WWTR1: variants seen among roughly 807,000 people sequenced by gnomAD.
The protein encoded by WWTR1 is WW domain containing transcription regulator 1, also known as WW domain-containing transcription regulator protein 1.
In WWTR1, 13 loss-of-function variants were observed where a neutral mutation model predicts 40.1. That is an observed-to-expected ratio of 0.32 (90% CI 0.21 to 0.52). The LOEUF is 0.52. Among genes scored for constraint, WWTR1 ranks in the 20% least tolerant of loss-of-function variants. WWTR1 has a pLI of 0.97. For missense variants in WWTR1, 436 were observed against 523.1 expected (o/e 0.83, Z 1.63); for synonymous variants, 230 against 210.1 (o/e 1.09, Z -0.82).
At chr3:149,619,574 G>T (rs1740171770) in intron 2 of WWTR1, among the ~76,000 whole-genome samples, 1 of 152,166 alleles carries the variant, frequency 6.6e-6, no homozygotes, top group African/African-American at 2.4e-5. Flanking sequence ...AGTAAGCTAT[G>T]ATCACACCAC....
intron 2 of WWTR1, chr3:149,576,239 G>C (rs1737873398): frequency 5.3e-6 from 2 of 380,832 alleles, no homozygotes; most frequent in African/African-American, 2.1e-5. Context: ...TTGCTCACAA[G>C]AGGCACTTAA....
rs552743703 is a variant in WWTR1, at chr3:149,711,130, G to A, written n.584+6312C>T. 2.9e-4 allele frequency among the ~76,000 whole-genome samples: 43 copies of A among 147,680 alleles called. No homozygotes were observed. The South Asian group carries it at 8.8e-3, about 30-fold the overall frequency. On this transcript the variant is annotated intron_variant and non_coding_transcript_variant, in intron 5 of 6. Transcript: ENST00000474080. ...AAAGAAGATGGGAAGGGGTGAAGAG[G>A]AGACAGAAGCGTAGGGTTTCACACA... is the stretch of plus-strand genomic sequence containing the variant.
At chr3:149,572,723 T>G (rs1451707638) in intron 3 of WWTR1, 141 bp downstream of exon 3, 1 of 1,013,532 alleles carries the variant, frequency 9.9e-7, no homozygotes, top group African/African-American at 1.6e-5. Flanking sequence ...GGTTCATGCC[T>G]GTTATCGCAG....
chr3:149,535,709 TA>T (rs35300491), intron 4 of WWTR1, among the ~76,000 whole-genome samples: 2,059 of 143,386 alleles, frequency 0.014, 47 homozygotes, highest in African/African-American at 0.044. Context: ...TGTCTTCACT[TA>T]AAAAAAAAAA....
intron 2 of WWTR1, among the ~76,000 whole-genome samples, chr3:149,628,816 CTAGA>C: frequency 6.6e-6 from 1 of 151,122 alleles, no homozygotes; most frequent in Non-Finnish European, 1.5e-5. Flanking sequence ...GTTGCCCAGG[CTAGA>C]TAGAGTACAG....
At chr3:149,613,811 G>A (rs926348759) in intron 2 of WWTR1, among the ~76,000 whole-genome samples, 2 of 152,124 alleles carry the variant, frequency 1.3e-5, no homozygotes, top group African/African-American at 4.8e-5. Flanking sequence ...CTTTCAAAGT[G>A]CTGGTATTAG....
chr3:149,541,499 C>T (rs1275385187), intron 4 of WWTR1, among the ~76,000 whole-genome samples: 1 of 152,108 alleles, frequency 6.6e-6, no homozygotes, highest in African/African-American at 2.4e-5. Flanking sequence ...ACCACTTTCC[C>T]TTCTCATTCT....
At chr3:149,690,460 G>T (rs1559842357) in intron 1 of WWTR1, among the ~76,000 whole-genome samples, 4 of 152,040 alleles carry the variant, frequency 2.6e-5, no homozygotes, top group Admixed American at 1.3e-4. Flanking sequence ...AAAAAAGCAG[G>T]AGTAGCTATA....
At chr3:149,723,729 A>T (rs1012317085) in intron 4 of WWTR1, among the ~76,000 whole-genome samples, 1 of 152,200 alleles carries the variant, frequency 6.6e-6, no homozygotes, top group Non-Finnish European at 1.5e-5. Context: ...TTTGCCCTTT[A>T]TATTCCCTGA....
intron 2 of WWTR1, among the ~76,000 whole-genome samples, chr3:149,663,433 C>A (rs528295125): frequency 6.6e-6 from 1 of 151,984 alleles, no homozygotes; most frequent in African/African-American, 2.4e-5. Flanking sequence ...CAGTGGCTCA[C>A]GTCTGTAATC....
chr3:149,557,204 G>C (rs1736871194), intron 3 of WWTR1, among the ~76,000 whole-genome samples: 1 of 150,174 alleles, frequency 6.7e-6, no homozygotes, highest in South Asian at 2.1e-4. Flanking sequence ...CCAAGTAGTT[G>C]AGATTACAGG....
At chr3:149,628,986 A>G (rs1711498886) in intron 2 of WWTR1, among the ~76,000 whole-genome samples, 1 of 152,036 alleles carries the variant, frequency 6.6e-6, no homozygotes, top group African/African-American at 2.4e-5. Flanking sequence ...TGCCCAGGCT[A>G]GTCTCGAACT....
At chr3:149,553,384 T>C (rs1330361245) in intron 3 of WWTR1, among the ~76,000 whole-genome samples, 4 of 152,176 alleles carry the variant, frequency 2.6e-5, no homozygotes, top group East Asian at 1.9e-4. Context: ...CATGAAAAAG[T>C]CTAACAGACT....
At chr3:149,631,861 C>G (rs1376699383) in intron 2 of WWTR1, among the ~76,000 whole-genome samples, 3 of 152,122 alleles carry the variant, frequency 2.0e-5, no homozygotes, top group Non-Finnish European at 4.4e-5. Context: ...GGGCTCCATG[C>G]TTGGTAGGGA....
intron 4 of WWTR1, among the ~76,000 whole-genome samples, chr3:149,723,091 A>AT (rs1386219281): frequency 1.3e-5 from 2 of 150,444 alleles, no homozygotes; most frequent in Non-Finnish European, 3.0e-5. Context: ...TGCCTTGTGA[A>AT]TTTTTTGTTG....
chr3:149,622,348 A>G (rs1396692802), intron 2 of WWTR1, among the ~76,000 whole-genome samples: 1 of 152,088 alleles, frequency 6.6e-6, no homozygotes, highest in Non-Finnish European at 1.5e-5. Context: ...GTAATTTATT[A>G]GAGACATTAA....
intron 3 of WWTR1, among the ~76,000 whole-genome samples, chr3:149,572,010 G>A (rs564390408): frequency 2.4e-4 from 37 of 152,184 alleles, no homozygotes; most frequent in African/African-American, 7.9e-4. Context: ...GTCTAAAATC[G>A]CACTTATTAA....
At chr3:149,539,091 A>T (rs1464732558) in intron 4 of WWTR1, among the ~76,000 whole-genome samples, 1 of 152,212 alleles carries the variant, frequency 6.6e-6, no homozygotes, top group African/African-American at 2.4e-5. Context: ...CAATGAGTTA[A>T]TAGGTGACCC....
intron 2 of WWTR1, among the ~76,000 whole-genome samples, chr3:149,578,101 C>T (rs186344622): frequency 5.3e-5 from 8 of 150,884 alleles, no homozygotes; most frequent in Admixed American, 4.7e-4. Flanking sequence ...CCTGGGTCAC[C>T]ATGGCCCATG....
Sources: allele counts gnomAD v4.1 joint callset (sites outside exome capture counted in the v4.1 genomes callset), GRCh38; gene constraint gnomAD v4.1.1; transcripts MANE v1.5; gene names NCBI Gene and HGNC (gene_info 2026-07-23, HGNC 2026-07-21).